Variants in CSMD1 observed in about 807,000 individuals in gnomAD.
CSMD1 encodes the protein CUB and Sushi multiple domains 1, also known as CUB and sushi domain-containing protein 1.
CSMD1 carries 213 observed loss-of-function variants against 417.5 expected under a neutral mutation model. The ratio of observed to expected loss-of-function variants is 0.51; its 90% confidence interval spans 0.46 to 0.57. The LOEUF is 0.57. CSMD1 is among the 20% of genes least tolerant of loss of function. CSMD1 has a pLI of 0.00. For missense variants in CSMD1, 6,923 were observed against 4,529.7 expected (o/e 1.53, Z -15.17); for synonymous variants, 2,862 against 1,736.8 (o/e 1.65, Z -16.11).
rs530470040 is a variant in CSMD1 at position 4,426,646 on chromosome 8, TATTC to T, written c.303-6585_303-6582del. On this transcript the variant is annotated intron_variant, in intron 2 of 69. Coordinates refer to ENST00000635120, the MANE Select transcript of CSMD1 (RefSeq NM_033225.6). ...ACTATATAATATAGTAATATTTTGT[TATTC>T]ATATTTTATAGTAATATTTTATTAT... 1.5e-3 allele frequency among the ~76,000 whole-genome samples: 217 copies of T among 147,270 alleles called. 1 individual carries two copies. The highest frequency in any genetic ancestry group is 4.9e-3 in the African/African-American group (199 of 40,736).
chr8:3,324,855 G>A (rs1344402809), intron 23 of CSMD1, among the ~76,000 whole-genome samples: 5 of 152,084 alleles, frequency 3.3e-5, no homozygotes, highest in African/African-American at 1.2e-4. Context: ...CAGATTTCAA[G>A]CTCAATATTC....
chr8:3,754,170 A>C (rs1484496077), intron 5 of CSMD1, 128 bp from the exon 6 acceptor site: 2 of 556,564 alleles, frequency 3.6e-6, no homozygotes, highest in Non-Finnish European at 6.6e-6. Context: ...GAGGCCATGT[A>C]TTAATTGACT....
At chr8:3,495,897 T>C (rs959465590) in intron 10 of CSMD1, among the ~76,000 whole-genome samples, 6 of 152,164 alleles carry the variant, frequency 3.9e-5, no homozygotes. Context: ...TTTTTTTACA[T>C]ATAATTATCT....
At chr8:4,730,027 C>T (rs978750543) in intron 1 of CSMD1, among the ~76,000 whole-genome samples, 2 of 152,086 alleles carry the variant, frequency 1.3e-5, no homozygotes, top group African/African-American at 4.8e-5. Context: ...ACACCTGCTC[C>T]CATGTTAATG....
chr8:4,155,225 G>A (rs769263148), intron 3 of CSMD1, among the ~76,000 whole-genome samples: 1 of 152,136 alleles, frequency 6.6e-6, no homozygotes, highest in Non-Finnish European at 1.5e-5. Context: ...AGATGACTGG[G>A]TCACGCAAAT....
Position 4,718,617 on chromosome 8 carries a change from A to G in CSMD1, c.86-81059T>C, listed in dbSNP as rs368402615. 4.6e-5 allele frequency among the ~76,000 whole-genome samples: 7 copies of G among 152,244 alleles called. No homozygotes were observed. The East Asian group carries it at 1.2e-3, about 25-fold the overall frequency. On this transcript the variant is annotated intron_variant, in intron 1 of 69. Transcript: ENST00000635120. ...AAACATATAGTACGATTGAATTTTGATATTATTTTAAACTGGAAAACCAAA... is the reference window on the plus strand; with the variant it reads ...AAACATATAGTACGATTGAATTTTGGTATTATTTTAAACTGGAAAACCAAA...
At chr8:4,594,565 C>T (rs976639725) in intron 2 of CSMD1, among the ~76,000 whole-genome samples, 5 of 152,164 alleles carry the variant, frequency 3.3e-5, no homozygotes, top group African/African-American at 7.2e-5. Flanking sequence ...TTGATGTGTG[C>T]GTTTTTTTGG....
chr8:3,572,025 A>G (rs1799965649), intron 10 of CSMD1, among the ~76,000 whole-genome samples: 1 of 152,288 alleles, frequency 6.6e-6, no homozygotes, highest in East Asian at 1.9e-4. Context: ...AAGACGCGAA[A>G]GAAGGGGATG....
chr8:4,038,293 C>A (rs1163179183), intron 3 of CSMD1, among the ~76,000 whole-genome samples: 1 of 151,960 alleles, frequency 6.6e-6, no homozygotes, highest in African/African-American at 2.4e-5. Flanking sequence ...CTTCTAGTTT[C>A]AAACACCAAA....
chr8:3,345,562 C>T (rs1411205658), intron 22 of CSMD1, among the ~76,000 whole-genome samples: 1 of 152,198 alleles, frequency 6.6e-6, no homozygotes, highest in Admixed American at 6.5e-5. Flanking sequence ...GAACAGGCTA[C>T]ACCTGTTCTG....
intron 18 of CSMD1, among the ~76,000 whole-genome samples, chr8:3,373,931 G>A (rs895007249): frequency 3.3e-5 from 5 of 150,338 alleles, no homozygotes; most frequent in Admixed American, 2.7e-4. Flanking sequence ...TCCTGGCTGA[G>A]TTGAAGTAAA....
At chr8:3,979,870 G>C (rs1271503240) in intron 5 of CSMD1, among the ~76,000 whole-genome samples, 2 of 152,146 alleles carry the variant, frequency 1.3e-5, no homozygotes, top group African/African-American at 2.4e-5. Context: ...TTATACTGTA[G>C]ACAGTCACAA....
At chr8:4,945,120 A>G (rs1410119674) in intron 1 of CSMD1, among the ~76,000 whole-genome samples, 1 of 152,220 alleles carries the variant, frequency 6.6e-6, no homozygotes, top group East Asian at 1.9e-4. Context: ...CTCAAGCACA[A>G]TATAATCAGC....
intron 12 of CSMD1, among the ~76,000 whole-genome samples, chr8:3,418,425 C>T (rs568886434): frequency 2.0e-5 from 3 of 152,170 alleles, no homozygotes; most frequent in Non-Finnish European, 4.4e-5. Flanking sequence ...AACTAAGAGA[C>T]TGGATGTCAG....
intron 3 of CSMD1, among the ~76,000 whole-genome samples, chr8:4,110,201 A>C (rs1054303813): frequency 4.6e-5 from 7 of 152,170 alleles, no homozygotes; most frequent in African/African-American, 1.7e-4. Flanking sequence ...TAAAATTTAA[A>C]ATCTAGAGAA....
Position 2,968,548 on chromosome 8 carries a change from T to C in CSMD1, c.8924-1802A>G, listed in dbSNP as rs111238225. Among the ~76,000 whole-genome samples, 326 of 152,344 alleles carry C rather than the reference T, an allele frequency of 2.1e-3. 1 individual carries two copies. The highest frequency in any genetic ancestry group is 7.5e-3 in the African/African-American group (313 of 41,580). On this transcript the variant is annotated intron_variant, in intron 57 of 69. Transcript: ENST00000635120. ...ATATTGGGAATGTCCCCTCAAATAT[T>C]GTACTGTGGAAAGTAAAATTCATGA... is the stretch of plus-strand genomic sequence containing the variant.
At chr8:3,120,155 G>A (rs1383392736) in intron 41 of CSMD1, among the ~76,000 whole-genome samples, 1 of 152,102 alleles carries the variant, frequency 6.6e-6, no homozygotes, top group African/African-American at 2.4e-5. Context: ...CAGGACCTGA[G>A]AAAAAGAGAG....
At chr8:4,802,352 C>T (rs73179698) in intron 1 of CSMD1, among the ~76,000 whole-genome samples, 27,685 of 146,260 alleles carry the variant, frequency 0.19, 2,641 homozygotes, top group East Asian at 0.32. Flanking sequence ...TGTGTGCGCG[C>T]GTGTGTGTGT....
At chr8:4,788,041 TG>T (rs1208114700) in intron 1 of CSMD1, 37 of 1,591,884 alleles carry the variant, frequency 2.3e-5, no homozygotes, top group Admixed American at 2.1e-4. Context: ...GGGCTCCAAA[TG>T]GTAAAGAAAA....
Sources: allele counts gnomAD v4.1 joint callset (sites outside exome capture counted in the v4.1 genomes callset), GRCh38; gene constraint gnomAD v4.1.1; transcripts MANE v1.5; gene names NCBI Gene and HGNC (gene_info 2026-07-23, HGNC 2026-07-21).